The following PLXDC2 variants were observed in gnomAD, a reference collection of about 807,000 sequenced individuals.
PLXDC2 encodes plexin domain-containing protein 2.
Under a neutral mutation model 68.9 loss-of-function variants are expected in PLXDC2, and 40 were observed. That is an observed-to-expected ratio of 0.58 (90% confidence interval 0.45 to 0.76). The LOEUF (loss-of-function observed/expected upper bound fraction) is 0.76, where lower values mean the gene tolerates loss of function less well. Ranked by LOEUF, PLXDC2 falls within the 30% of genes least tolerant of loss-of-function variation. The pLI is 0.00. For synonymous variants in PLXDC2, 243 were observed against 234.2 expected (o/e 1.04, Z -0.34); for missense variants, 644 against 661.9 (o/e 0.97, Z 0.30).
Position 20,029,620 on chromosome 10 carries a change from C to T in PLXDC2, c.325-17249C>T, listed in dbSNP as rs985826670. 2.6e-5 allele frequency among the ~76,000 whole-genome samples: 4 copies of T among 152,128 alleles called. No individual in the cohort carries two copies. The East Asian group carries it at 7.7e-4, about 29-fold the overall frequency. ...ATAAATAAAAAAAGAACAAATACTT[C>T]TTGGGCTGCACTGAAATAAAATCTC... On this transcript the variant is annotated intron_variant, in intron 2 of 13. Coordinates refer to ENST00000377252, the MANE Select transcript of PLXDC2 (RefSeq NM_032812.9).
At chr10:20,055,278 T>G (rs1049145453) in intron 3 of PLXDC2, among the ~76,000 whole-genome samples, 9 of 152,148 alleles carry the variant, frequency 5.9e-5, no homozygotes, top group Non-Finnish European at 1.2e-4. Context: ...TTTGTTCCCT[T>G]CAGGAAAATA....
chr10:19,838,890 G>C (rs1274931543), intron 1 of PLXDC2, among the ~76,000 whole-genome samples: 2 of 152,134 alleles, frequency 1.3e-5, no homozygotes, highest in East Asian at 3.9e-4. Flanking sequence ...CATCGCTTAA[G>C]ATTACTGCTC....
chr10:19,987,349 T>C (rs1834658635), intron 1 of PLXDC2, among the ~76,000 whole-genome samples: 1 of 152,146 alleles, frequency 6.6e-6, no homozygotes, highest in Non-Finnish European at 1.5e-5. Context: ...TTTCCTAGTT[T>C]GTTAAAAGTT....
At chr10:20,003,008 A>G (rs1385233994) in intron 2 of PLXDC2, among the ~76,000 whole-genome samples, 1 of 152,118 alleles carries the variant, frequency 6.6e-6, no homozygotes, top group East Asian at 1.9e-4. Flanking sequence ...GGTTGGAGCT[A>G]TGAAGCGGAG....
chr10:19,920,175 A>G (rs1310647655), intron 1 of PLXDC2, among the ~76,000 whole-genome samples: 1 of 152,170 alleles, frequency 6.6e-6, no homozygotes, highest in Middle Eastern at 3.2e-3. Context: ...GTGATACGGC[A>G]GTGCTGGGAA....
intron 4 of PLXDC2, among the ~76,000 whole-genome samples, chr10:20,134,651 G>T (rs577184031): frequency 2.6e-5 from 4 of 152,254 alleles, no homozygotes; most frequent in Admixed American, 2.6e-4. Context: ...GAATCAACCT[G>T]GCACAAGGGT....
intron 13 of PLXDC2, among the ~76,000 whole-genome samples, chr10:20,246,720 AC>A (rs1252437359): frequency 6.6e-6 from 1 of 152,234 alleles, no homozygotes; most frequent in Non-Finnish European, 1.5e-5. Context: ...AACTAGAAAT[AC>A]TAAAGCAATA....
chr10:19,884,084 A>T (rs541123437), intron 1 of PLXDC2, among the ~76,000 whole-genome samples: 7 of 146,724 alleles, frequency 4.8e-5, no homozygotes, highest in Non-Finnish European at 1.0e-4. Context: ...TTTTGTAGAG[A>T]TGGGGTTTTG....
At chr10:20,230,273 C>A (rs981132897) in intron 12 of PLXDC2, among the ~76,000 whole-genome samples, 9 of 151,888 alleles carry the variant, frequency 5.9e-5, no homozygotes, top group African/African-American at 2.2e-4. Flanking sequence ...ATGTACACTG[C>A]AAATATAACC....
At chr10:20,205,373 C>T (rs1412458125) in intron 9 of PLXDC2, among the ~76,000 whole-genome samples, 1 of 151,880 alleles carries the variant, frequency 6.6e-6, no homozygotes, top group Non-Finnish European at 1.5e-5. Flanking sequence ...ACATTAAAAC[C>T]CTGCTGTAGT....
intron 1 of PLXDC2, among the ~76,000 whole-genome samples, chr10:19,879,145 C>A (rs910408124): frequency 6.6e-6 from 1 of 152,090 alleles, no homozygotes; most frequent in Non-Finnish European, 1.5e-5. Flanking sequence ...AAATAACATC[C>A]CTTCATTTAG....
chr10:19,863,576 C>T (rs2131336894), intron 1 of PLXDC2, among the ~76,000 whole-genome samples: 1 of 152,302 alleles, frequency 6.6e-6, no homozygotes, highest in East Asian at 1.9e-4. Flanking sequence ...CTTTGTTGTA[C>T]ACATAACTCC....
In PLXDC2 at chr10:20,180,123, A is replaced by G. The variant is rs556665710; in HGVS notation, c.1061+2714A>G. On this transcript the variant is annotated intron_variant, in intron 9 of 13. Coordinates refer to ENST00000377252, the MANE Select transcript of PLXDC2 (RefSeq NM_032812.9). ...TGTAGAGGAAAATCGAGCAAAGTCTAAGACTTTTGCATATTATTGAAAGCA... is the reference window on the plus strand; with the variant it reads ...TGTAGAGGAAAATCGAGCAAAGTCTGAGACTTTTGCATATTATTGAAAGCA... Among the ~76,000 whole-genome samples the G allele has an allele frequency of 2.6e-5, 4 of 152,182 alleles. No homozygotes were observed. The South Asian group carries it at 8.3e-4, about 32-fold the overall frequency.
At position 20,218,470 on chromosome 10, in the gene PLXDC2, A is replaced by G. The variant is rs145812400; in HGVS notation, c.1274-594A>G. Reference sequence around the variant, plus strand: ...TTAATCCATATTATTTTGGATTATTATATTAAAGTCCACGAAAATATTCCT... The same window carrying G: ...TTAATCCATATTATTTTGGATTATTGTATTAAAGTCCACGAAAATATTCCT... On this transcript the variant is annotated intron_variant, in intron 11 of 13. Transcript: ENST00000377252. Among the ~76,000 whole-genome samples, 611 of 152,266 alleles carry G rather than the reference A, an allele frequency of 4.0e-3. 4 individuals carry two copies. The highest frequency in any genetic ancestry group is 0.013 in the African/African-American group (556 of 41,564).
intron 1 of PLXDC2, among the ~76,000 whole-genome samples, chr10:19,932,945 A>G (rs1003834795): frequency 6.6e-6 from 1 of 152,170 alleles, no homozygotes; most frequent in African/African-American, 2.4e-5. Context: ...TACCTTTTGT[A>G]TTAGTCCTTT....
intron 1 of PLXDC2, among the ~76,000 whole-genome samples, chr10:19,921,539 GACCATGCA>G (rs2131381182): frequency 6.6e-6 from 1 of 152,306 alleles, no homozygotes; most frequent in East Asian, 1.9e-4. Context: ...AACTGACTTA[GACCATGCA>G]TCATTACGTA....
chr10:20,151,351 C>G lies in PLXDC2; in HGVS notation c.783+3449C>G, dbSNP rs148009240. Among the ~76,000 whole-genome samples, 927 of 152,230 alleles carry G rather than the reference C, an allele frequency of 6.1e-3. 9 individuals carry two copies. The highest frequency in any genetic ancestry group is 0.021 in the African/African-American group (888 of 41,546). On this transcript the variant is annotated intron_variant, in intron 6 of 13. Coordinates refer to ENST00000377252, the MANE Select transcript of PLXDC2 (RefSeq NM_032812.9). ...TTAATTCCTCAATAGTTTCCTACAG[C>G]TTTAATATCCTAAGTATTTTACAAT...
Position 19,817,099 on chromosome 10 carries a change from C to T in PLXDC2, c.20C>T (p.Ala7Val). The part of the protein sequence containing the change: MARFPK[A>V]DLAAAGVMLL... ...GGCGGCATGGCGAGGTTCCCGAAGG[C>T]CGACCTGGCCGCTGCAGGAGTTATG... Residue 7 changes from alanine to valine, a missense_variant, in exon 1 of 14, where the codon GCC becomes GTC. This residue lies in a region of PLXDC2 where 201 missense variants were observed against 166.9 expected (regional missense o/e 1.20). Coordinates refer to ENST00000377252, the MANE Select transcript of PLXDC2 (RefSeq NM_032812.9). The T allele has an allele frequency of 6.4e-7, 1 of 1,558,080 alleles. No homozygotes were observed. The highest frequency in any genetic ancestry group is 8.7e-7 in the Non-Finnish European group (1 of 1,149,796).
intron 1 of PLXDC2, among the ~76,000 whole-genome samples, chr10:19,950,828 G>A (rs1833979823): frequency 6.6e-6 from 1 of 152,230 alleles, no homozygotes; most frequent in South Asian, 2.1e-4. Flanking sequence ...ACAGACTAGA[G>A]AACTCAGAAA....
Sources: gnomAD v4.1 joint callset for allele counts (sites outside exome capture counted in the v4.1 genomes callset) on GRCh38, gnomAD v4.1.1 for gene constraint, gnomAD v4.1.1 regional missense constraint, MANE v1.5 for transcripts, NCBI Gene and HGNC (gene_info 2026-07-23, HGNC 2026-07-21) for gene names.